Variants in PCDHGC4 observed in about 807,000 individuals in gnomAD.
The protein encoded by PCDHGC4 is protocadherin gamma subfamily C, 4, also known as protocadherin gamma-C4.
In PCDHGC4, 15 loss-of-function variants were observed where a neutral mutation model predicts 59.7. The observed-to-expected ratio is 0.25, with a 90% CI of 0.17 to 0.39. The LOEUF (loss-of-function observed/expected upper bound fraction) is 0.39. PCDHGC4 is among the 10% of genes least tolerant of loss of function. PCDHGC4 has a pLI of 1.00. For missense variants in PCDHGC4, 1,016 were observed against 1,189.5 expected (o/e 0.85, Z 2.15); for synonymous variants, 434 against 481.4 (o/e 0.90, Z 1.29).
chr5:141,486,153 C>A lies in PCDHGC4; in HGVS notation c.980C>A (p.Ser327Tyr), dbSNP rs1330257915. The change falls in exon 1 of 4, where the codon TCT (serine) becomes TAT (tyrosine). Residue 327 changes from serine (S) to tyrosine (Y), a missense_variant. Coordinates refer to ENST00000306593, the MANE Select transcript of PCDHGC4 (RefSeq NM_018928.3). This position sits in a 1 kb window ranked among gnomAD's most constrained non-coding sequence, Gnocchi z 5.0. ...GATGTGCGGGCTCGCGATGGGGGTTCTCCAGCCATGGAGCAACATTGCAGC... is the reference window on the plus strand; with the variant it reads ...GATGTGCGGGCTCGCGATGGGGGTTATCCAGCCATGGAGCAACATTGCAGC... Reference protein sequence around the residue: ...EFDVRARDGGSPAMEQHCSLR... With the variant: ...EFDVRARDGGYPAMEQHCSLR... 6.2e-7 allele frequency: 1 copy of A among 1,614,202 alleles called. No individual in the cohort carries two copies. The highest frequency in any genetic ancestry group is 1.7e-5 in the Admixed American group (1 of 60,022).
Position 141,512,147 on chromosome 5 carries a change from GGCTGA to G in PCDHGC4, c.*978_*982del, listed in dbSNP as rs1406468661. The G allele has an allele frequency of 1.3e-5, 2 of 152,652 alleles. No homozygotes were observed. Among genetic ancestry groups the G allele is most frequent in the Admixed American group, 6.5e-5 (1 of 15,286 alleles). The allele number at this position is 152,652 out of a possible 1,614,324, so 9.5% of individuals were successfully genotyped here. A position where few individuals can be genotyped will look rare whatever the true frequency, so the allele number is the denominator to read the frequency against. On this transcript the variant is annotated 3_prime_UTR_variant, in exon 4 of 4. Coordinates refer to ENST00000306593, the MANE Select transcript of PCDHGC4 (RefSeq NM_018928.3). ...GGCTCAGCCCAGGCAGCCAGCTTTG[GGCTGA>G]GCTAACAGGACCAATGGATTAAACT... is the stretch of plus-strand genomic sequence containing the variant.
At chr5:141,495,960 C>G (rs1380397345) in intron 2 of PCDHGC4, among the ~76,000 whole-genome samples, 2 of 151,998 alleles carry the variant, frequency 1.3e-5, no homozygotes, top group East Asian at 3.9e-4. Context: ...CTTTTTCTGC[C>G]TCTTTCTCTG....
intron 3 of PCDHGC4, among the ~76,000 whole-genome samples, chr5:141,505,926 G>A (rs114056147): frequency 0.012 from 1,893 of 152,254 alleles, 12 homozygotes; most frequent in Middle Eastern, 0.034. Context: ...TGGGCCTGGC[G>A]CTTGGAAGCC....
rs758181180 is a variant in PCDHGC4 at position 141,485,483 on chromosome 5, G to T, written c.310G>T (p.Val104Leu). The T allele has an allele frequency of 1.9e-6, 3 of 1,614,106 alleles. No homozygotes were observed. The highest frequency in any genetic ancestry group is 2.5e-6 in the Non-Finnish European group (3 of 1,180,022). ...GTGTGGGCTCAGTGCCAGCTGCATC[G>T]TGCCCCTGGAGTTTGTCACCGAAGG... ...ALCGLSASCI[V>L]PLEFVTEGPL... The change falls in exon 1 of 4, where the codon GTG becomes TTG. Residue 104 changes from valine (V) to leucine (L), a missense_variant. Val to Leu is a conservative substitution (Grantham distance 32). Coordinates refer to ENST00000306593, the MANE Select transcript of PCDHGC4 (RefSeq NM_018928.3). The surrounding 1 kb of genome is among the most constrained non-coding windows in gnomAD (Gnocchi z 5.7).
chr5:141,489,267 C>A lies in PCDHGC4; in HGVS notation c.2442+1652C>A. On this transcript the variant is annotated intron_variant, in intron 1 of 3. Transcript: ENST00000306593. This position sits in a 1 kb window ranked among gnomAD's most constrained non-coding sequence, Gnocchi z 4.5. ...TGGGGCCCAAGACACTCCCACAGCT[C>A]GCTGGGAAATGGCAAGTGCTGTGCA... is the stretch of plus-strand genomic sequence containing the variant. 1 of 1,553,300 alleles carries A rather than the reference C, an allele frequency of 6.4e-7. No homozygotes were observed. The highest frequency in any genetic ancestry group is 8.7e-7 in the Non-Finnish European group (1 of 1,149,864).
Position 141,489,806 on chromosome 5 carries a change from A to G in PCDHGC4, c.2442+2191A>G. 1 of 1,614,198 alleles carries G rather than the reference A, an allele frequency of 6.2e-7. No homozygotes were observed. Among genetic ancestry groups the G allele is most frequent in the South Asian group, 1.1e-5 (1 of 91,082 alleles). Reference sequence around the variant, plus strand: ...AATGTGAAGACCCTAAAAGATGGGAAGCCATTCCCAGAGCTGGTGCTAGAG... The same window carrying G: ...AATGTGAAGACCCTAAAAGATGGGAGGCCATTCCCAGAGCTGGTGCTAGAG... On this transcript the variant is annotated intron_variant, in intron 1 of 3. Coordinates refer to ENST00000306593, the MANE Select transcript of PCDHGC4 (RefSeq NM_018928.3). The surrounding 1 kb of genome is among the most constrained non-coding windows in gnomAD (Gnocchi z 4.5).
rs775712620 is a variant in PCDHGC4, at chr5:141,491,341, G to T, written c.2443-3466G>T. 1 of 1,613,982 alleles carries T rather than the reference G, an allele frequency of 6.2e-7. No homozygotes were observed. The highest frequency in any genetic ancestry group is 8.5e-7 in the Non-Finnish European group (1 of 1,180,016). ...TTACCTCATTGTGGCTCTAGCGACC[G>T]TCAGTCTCTTATCCCTAGTCACCTT... On this transcript the variant is annotated intron_variant, in intron 1 of 3. Coordinates refer to ENST00000306593, the MANE Select transcript of PCDHGC4 (RefSeq NM_018928.3). The surrounding 1 kb of genome is among the most constrained non-coding windows in gnomAD (Gnocchi z 6.9).
chr5:141,487,380 G>A lies in PCDHGC4; in HGVS notation c.2207G>A (p.Arg736Lys). The change falls in exon 1 of 4, where the codon AGA becomes AAA. Residue 736 changes from arginine to lysine, a missense_variant. Physicochemically the swap from Arg to Lys is conservative, Grantham distance 26. Transcript: ENST00000306593. This position sits in a 1 kb window ranked among gnomAD's most constrained non-coding sequence, Gnocchi z 5.0. ...GCTGGCACCTGTGCCTGTCTCACCA[G>A]ATCTCGAAGGAGGGAGGGGCTTCCC... is the stretch of plus-strand genomic sequence containing the variant. ...FPAGTCACLT[R>K]SRRREGLPPS... The A allele has an allele frequency of 1.2e-6, 2 of 1,614,202 alleles. No individual in the cohort carries two copies. The highest frequency in any genetic ancestry group is 2.2e-5 in the South Asian group (2 of 91,078).
chr5:141,488,656 G>A (rs2099678001), intron 1 of PCDHGC4, among the ~76,000 whole-genome samples: 1 of 152,200 alleles, frequency 6.6e-6, no homozygotes, highest in African/African-American at 2.4e-5. Flanking sequence ...ATGGGGGAGG[G>A]TGGGGGAATA....
Position 141,503,999 on chromosome 5 carries a change from C to T in PCDHGC4, c.2502-1394C>T, listed in dbSNP as rs569153055. On this transcript the variant is annotated intron_variant, in intron 2 of 3. Coordinates refer to ENST00000306593, the MANE Select transcript of PCDHGC4 (RefSeq NM_018928.3). Reference sequence around the variant, plus strand: ...AACCCTTCTTCTTACCTTACAGTCACTTAACTGTCTCTGCTGGTCTCTTCC... The same window carrying T: ...AACCCTTCTTCTTACCTTACAGTCATTTAACTGTCTCTGCTGGTCTCTTCC... 2.0e-5 allele frequency among the ~76,000 whole-genome samples: 3 copies of T among 152,286 alleles called. No individual in the cohort carries two copies. The South Asian group carries it at 6.2e-4, about 32-fold the overall frequency.
rs757663132 is a variant in PCDHGC4 at position 141,510,991 on chromosome 5, A to G, written c.2635A>G (p.Met879Val). ...CACCCTGGGAGGGGGTGCCGGCACC[A>G]TGGGATTGAGCGCCCGCTACGGACC... is the stretch of plus-strand genomic sequence containing the variant. ...SSTLGGGAGT[M>V]GLSARYGPQF... is the part of the protein sequence containing the mutation. Residue 879 changes from methionine (M) to valine (V), a missense_variant, in exon 4 of 4, where the codon ATG becomes GTG. Coordinates refer to ENST00000306593, the MANE Select transcript of PCDHGC4 (RefSeq NM_018928.3). 1.2e-6 allele frequency: 2 copies of G among 1,614,136 alleles called. No individual in the cohort carries two copies. Among genetic ancestry groups the G allele is most frequent in the Admixed American group, 3.3e-5 (2 of 60,022 alleles).
chr5:141,488,312 A>G lies in PCDHGC4; in HGVS notation c.2442+697A>G, dbSNP rs952247975. 7.9e-5 allele frequency among the ~76,000 whole-genome samples: 12 copies of G among 152,286 alleles called. 1 individual carries two copies. Among genetic ancestry groups the G allele is most frequent in the African/African-American group, 2.9e-4 (12 of 41,558 alleles). On this transcript the variant is annotated intron_variant, in intron 1 of 3. Coordinates refer to ENST00000306593, the MANE Select transcript of PCDHGC4 (RefSeq NM_018928.3). ...AGTAAGTGAAATCACTTATGTCAGA[A>G]AACTGGTTTACAGTTGGCTGATTCA...
chr5:141,487,802 C>T lies in PCDHGC4; in HGVS notation c.2442+187C>T, dbSNP rs765438219. The T allele has an allele frequency of 9.5e-6, 14 of 1,477,306 alleles. No individual in the cohort carries two copies. The South Asian group carries it at 1.7e-4, about 18-fold the overall frequency. 91.5% of individuals were successfully genotyped at this position (1,477,306 alleles called of 1,614,324 possible). A position where few individuals can be genotyped will look rare whatever the true frequency, so the allele number is the denominator to read the frequency against. ...TTTCGTGAATTAACCAGAGTTGTCACAGTTTAGCATTGGGGGCGGGTCATG... is the reference window on the plus strand; with the variant it reads ...TTTCGTGAATTAACCAGAGTTGTCATAGTTTAGCATTGGGGGCGGGTCATG... On this transcript the variant is annotated intron_variant, in intron 1 of 3. Transcript: ENST00000306593. The surrounding 1 kb of genome is among the most constrained non-coding windows in gnomAD (Gnocchi z 5.0).
In PCDHGC4 at chr5:141,489,663, C is replaced by T. The variant is rs1183544696; in HGVS notation, c.2442+2048C>T. The T allele has an allele frequency of 1.9e-6, 3 of 1,614,048 alleles. No individual in the cohort carries two copies. The highest frequency in any genetic ancestry group is 2.2e-5 in the South Asian group (2 of 91,094). ...TTGCCACCCCTGAGCGAGAGATGCGCATCTCAGAATCAGCAGCATCTGGGG... is the reference window on the plus strand; with the variant it reads ...TTGCCACCCCTGAGCGAGAGATGCGTATCTCAGAATCAGCAGCATCTGGGG... On this transcript the variant is annotated intron_variant, in intron 1 of 3. Coordinates refer to ENST00000306593, the MANE Select transcript of PCDHGC4 (RefSeq NM_018928.3). This position sits in a 1 kb window ranked among gnomAD's most constrained non-coding sequence, Gnocchi z 4.5.
rs376996144 is a variant in PCDHGC4, at chr5:141,491,534, G to C, written c.2443-3273G>C. 3.7e-6 allele frequency: 6 copies of C among 1,613,912 alleles called. No homozygotes were observed. The highest frequency in any genetic ancestry group is 1.3e-5 in the African/African-American group (1 of 74,928). ...CTCAAGTACATGGAGGTGACGCTGC[G>C]GCCCACAGACTCGCAGAGCCACTGC... On this transcript the variant is annotated intron_variant, in intron 1 of 3. Coordinates refer to ENST00000306593, the MANE Select transcript of PCDHGC4 (RefSeq NM_018928.3). This position sits in a 1 kb window ranked among gnomAD's most constrained non-coding sequence, Gnocchi z 6.9.
In PCDHGC4 at chr5:141,493,468, T is replaced by C. The variant is rs960204561; in HGVS notation, c.2443-1339T>C. On this transcript the variant is annotated intron_variant, in intron 1 of 3. Transcript: ENST00000306593. The surrounding 1 kb of genome is among the most constrained non-coding windows in gnomAD (Gnocchi z 4.3). ...TGGGGTTCCTTCCCTTTTAGGACCT[T>C]ACATGTGGGGAAAGTCTTCTGTGGC... Among the ~76,000 whole-genome samples the C allele has an allele frequency of 4.6e-5, 7 of 152,144 alleles. No individual in the cohort carries two copies. Among genetic ancestry groups the C allele is most frequent in the African/African-American group, 1.4e-4 (6 of 41,426 alleles).
rs1303365585 is a variant in PCDHGC4 at position 141,511,350 on chromosome 5, C to A, written c.*177C>A. 2.1e-5 allele frequency: 30 copies of A among 1,397,076 alleles called. No individual in the cohort carries two copies. Among genetic ancestry groups the A allele is most frequent in the African/African-American group, 1.7e-4 (12 of 68,780 alleles). The allele number at this position is 1,397,076 out of a possible 1,614,324, so 86.5% of individuals were successfully genotyped here. Reference sequence around the variant, plus strand: ...CCCAGTCAGCACCTACCCCTTCCCCCCCAGGGGGTTGAATATGCAAAAGCA... The same window carrying A: ...CCCAGTCAGCACCTACCCCTTCCCCACCAGGGGGTTGAATATGCAAAAGCA... On this transcript the variant is annotated 3_prime_UTR_variant, in exon 4 of 4. Transcript: ENST00000306593.
In PCDHGC4 at chr5:141,489,291, C is replaced by A; in HGVS notation, c.2442+1676C>A. ...TCGCTGGGAAATGGCAAGTGCTGTG[C>A]ATGTTGTCCTTGTGCTGCTGGGGCT... is the stretch of plus-strand genomic sequence containing the variant. On this transcript the variant is annotated intron_variant, in intron 1 of 3. Transcript: ENST00000306593. This position sits in a 1 kb window ranked among gnomAD's most constrained non-coding sequence, Gnocchi z 4.5. 6.3e-7 allele frequency: 1 copy of A among 1,577,628 alleles called. No homozygotes were observed. The highest frequency in any genetic ancestry group is 8.6e-7 in the Non-Finnish European group (1 of 1,161,994).
Position 141,490,931 on chromosome 5 carries a change from T to C in PCDHGC4, c.2442+3316T>C. 1 of 1,613,780 alleles carries C rather than the reference T, an allele frequency of 6.2e-7. No individual in the cohort carries two copies. Among genetic ancestry groups the C allele is most frequent in the East Asian group, 2.2e-5 (1 of 44,872 alleles). ...GACGAGAATGATAATGCCCCAGCTG[T>C]GCTGCACCCACGGCCAGACTGGGAA... On this transcript the variant is annotated intron_variant, in intron 1 of 3. Transcript: ENST00000306593. This position sits in a 1 kb window ranked among gnomAD's most constrained non-coding sequence, Gnocchi z 5.4.
Sources: allele counts gnomAD v4.1 joint callset (sites outside exome capture counted in the v4.1 genomes callset), GRCh38; gene constraint gnomAD v4.1.1; non-coding constraint Gnocchi (gnomAD v3.1); transcripts MANE v1.5; gene names NCBI Gene and HGNC (gene_info 2026-07-23, HGNC 2026-07-21).